The following LDLRAD3 variants were observed in gnomAD, a reference collection of about 807,000 sequenced individuals.
LDLRAD3 encodes the protein low-density lipoprotein receptor class A domain-containing protein 3.
LDLRAD3 carries 20 observed loss-of-function variants against 29.4 expected under a neutral mutation model. That is an observed-to-expected ratio of 0.68 (90% CI 0.48 to 0.99). The LOEUF is 0.99. Among genes scored for constraint, LDLRAD3 ranks in the 50% least tolerant of loss-of-function variants. The probability of loss-of-function intolerance (pLI) is 0.00; values close to 1 mark genes in which losing one functional copy is unlikely to be tolerated. For synonymous variants in LDLRAD3, 157 were observed against 192.7 expected, an observed-to-expected ratio of 0.81 and a Z score of 1.53; for missense variants, 420 against 454.3, an observed-to-expected ratio of 0.92 and a Z score of 0.69.
intron 4 of LDLRAD3, among the ~76,000 whole-genome samples, chr11:36,224,321 T>C (rs1855469559): frequency 6.6e-6 from 1 of 152,036 alleles, no homozygotes; most frequent in Non-Finnish European, 1.5e-5. Context: ...TCACTTGAGC[T>C]CAAACAGCTA....
At chr11:36,007,893 G>A (rs754079615) in intron 1 of LDLRAD3, among the ~76,000 whole-genome samples, 22 of 152,138 alleles carry the variant, frequency 1.4e-4, no homozygotes, top group Admixed American at 1.4e-3. Flanking sequence ...TTTTTCCATG[G>A]CTATGTTTTT....
chr11:36,084,990 A>G lies in LDLRAD3; in HGVS notation c.319+3212A>G, dbSNP rs886986471. 2.0e-5 allele frequency among the ~76,000 whole-genome samples: 3 copies of G among 152,248 alleles called. No homozygotes were observed. In the South Asian group the frequency reaches 6.2e-4, roughly 31 times the overall value. On this transcript the variant is annotated intron_variant, in intron 3 of 5. Coordinates refer to ENST00000315571, the MANE Select transcript of LDLRAD3 (RefSeq NM_174902.4). ...ATTCAAACATATTTTGAAGAGTTCC[A>G]AAGGTATTGTATTTACCCAGATATT... is the stretch of plus-strand genomic sequence containing the variant.
At chr11:36,205,082 T>G (rs1565303224) in intron 4 of LDLRAD3, among the ~76,000 whole-genome samples, 1 of 152,190 alleles carries the variant, frequency 6.6e-6, no homozygotes, top group Non-Finnish European at 1.5e-5. Context: ...GATTTATAGT[T>G]TCCAAGCTCA....
intron 4 of LDLRAD3, among the ~76,000 whole-genome samples, chr11:36,116,874 C>T (rs1165849882): frequency 2.0e-5 from 3 of 148,954 alleles, no homozygotes; most frequent in Non-Finnish European, 1.5e-5. Flanking sequence ...TAGAGTCTCA[C>T]TCTGTCACCC....
At chr11:36,096,937 G>T (rs1193644052) in intron 3 of LDLRAD3, among the ~76,000 whole-genome samples, 1 of 152,206 alleles carries the variant, frequency 6.6e-6, no homozygotes, top group Non-Finnish European at 1.5e-5. Context: ...ATTTCTACTT[G>T]GCTGAACTAG....
chr11:36,122,185 G>GA (rs1590285097), intron 4 of LDLRAD3, among the ~76,000 whole-genome samples: 1 of 152,004 alleles, frequency 6.6e-6, no homozygotes, highest in East Asian at 1.9e-4. Context: ...TGGTTTGGGG[G>GA]ACCAAAGGAA....
intron 1 of LDLRAD3, among the ~76,000 whole-genome samples, chr11:35,962,695 T>C (rs934284981): frequency 6.6e-6 from 1 of 152,218 alleles, no homozygotes; most frequent in Non-Finnish European, 1.5e-5. Context: ...CTTTCCTGTT[T>C]AAATATGTTA....
At chr11:36,217,229 A>G (rs1162252399) in intron 4 of LDLRAD3, among the ~76,000 whole-genome samples, 1 of 152,156 alleles carries the variant, frequency 6.6e-6, no homozygotes, top group Non-Finnish European at 1.5e-5. Context: ...GTGAATTACC[A>G]TGTTGACATG....
chr11:36,076,964 G>A (rs1853021857), intron 2 of LDLRAD3, among the ~76,000 whole-genome samples: 1 of 151,996 alleles, frequency 6.6e-6, no homozygotes, highest in African/African-American at 2.4e-5. Context: ...TAGTAATACA[G>A]TTATGTTTAC....
At chr11:36,109,392 T>C (rs1406335236) in intron 4 of LDLRAD3, among the ~76,000 whole-genome samples, 5 of 151,896 alleles carry the variant, frequency 3.3e-5, no homozygotes, top group African/African-American at 1.2e-4. Flanking sequence ...ATATGGGGGA[T>C]GGCTTCAGGA....
intron 2 of LDLRAD3, among the ~76,000 whole-genome samples, chr11:36,051,856 G>A (rs1852533416): frequency 6.6e-6 from 1 of 152,158 alleles, no homozygotes; most frequent in Non-Finnish European, 1.5e-5. Flanking sequence ...TTGCCACCTT[G>A]GGCTCCTGGG....
At chr11:35,951,134 C>T (rs1241891734) in intron 1 of LDLRAD3, among the ~76,000 whole-genome samples, 2 of 151,948 alleles carry the variant, frequency 1.3e-5, no homozygotes, top group East Asian at 1.9e-4. Flanking sequence ...GCTTATGATA[C>T]AAAATTCATA....
At chr11:36,056,404 C>G (rs1852621386) in intron 2 of LDLRAD3, among the ~76,000 whole-genome samples, 1 of 152,120 alleles carries the variant, frequency 6.6e-6, no homozygotes. Flanking sequence ...GCTAGTATCC[C>G]CATTATACAG....
chr11:36,052,221 A>AGCAAACTGTTTTGAACAGGGAGT (rs1852539489), intron 2 of LDLRAD3, among the ~76,000 whole-genome samples: 1 of 152,212 alleles, frequency 6.6e-6, no homozygotes, highest in Non-Finnish European at 1.5e-5. Flanking sequence ...TGGCCTCAAA[A>AGCAAACTGTTTTGAACAGGGAGT]GCAAACTGTT....
At chr11:36,130,053 T>C (rs190499358) in intron 4 of LDLRAD3, among the ~76,000 whole-genome samples, 18 of 152,328 alleles carry the variant, frequency 1.2e-4, no homozygotes, top group Admixed American at 1.1e-3. Flanking sequence ...TCAATATTTG[T>C]TGAATGGATA....
chr11:36,119,483 C>T (rs74855995), intron 4 of LDLRAD3, among the ~76,000 whole-genome samples: 127 of 151,118 alleles, frequency 8.4e-4, no homozygotes, highest in East Asian at 2.5e-3. Context: ...TACATCCTCA[C>T]CAGCACTTAT....
At chr11:36,220,859 A>G (rs555449408) in intron 4 of LDLRAD3, among the ~76,000 whole-genome samples, 1 of 152,342 alleles carries the variant, frequency 6.6e-6, no homozygotes, top group East Asian at 1.9e-4. Flanking sequence ...CTAATGGCAC[A>G]TTTTTAAAGG....
intron 4 of LDLRAD3, among the ~76,000 whole-genome samples, chr11:36,176,179 A>C (rs1854672883): frequency 6.6e-6 from 1 of 152,124 alleles, no homozygotes; most frequent in Non-Finnish European, 1.5e-5. Context: ...CCTTAAGTTT[A>C]TGTGAGTCCT....
At chr11:36,226,542 A>T (rs894922868) in intron 4 of LDLRAD3, among the ~76,000 whole-genome samples, 1 of 152,258 alleles carries the variant, frequency 6.6e-6, no homozygotes, top group African/African-American at 2.4e-5. Context: ...TATTATTTGC[A>T]GTACTTAAAA....
Sources: allele counts gnomAD v4.1 joint callset (sites outside exome capture counted in the v4.1 genomes callset), GRCh38; gene constraint gnomAD v4.1.1; transcripts MANE v1.5; gene names NCBI Gene and HGNC (gene_info 2026-07-23, HGNC 2026-07-21).